The following ANO1 variants were observed in gnomAD, a reference collection of about 807,000 sequenced individuals.
ANO1 encodes the protein anoctamin-1.
In ANO1, 59 loss-of-function variants were observed where a neutral mutation model predicts 124.0. The ratio of observed to expected loss-of-function variants is 0.48; its 90% CI spans 0.39 to 0.59. The LOEUF (loss-of-function observed/expected upper bound fraction) is 0.59, where lower values mean the gene tolerates loss of function less well. ANO1 is among the 20% of genes least tolerant of loss of function. ANO1 has a pLI of 0.00. For synonymous variants in ANO1, 529 were observed against 532.0 expected (o/e 0.99, Z 0.08); for missense variants, 1,059 against 1,328.0 (o/e 0.80, Z 3.15).
intron 3 of ANO1, 33 bp downstream of exon 3, chr11:70,103,197 C>T (rs1192550951): frequency 3.3e-5 from 52 of 1,564,466 alleles, no homozygotes; most frequent in Middle Eastern, 1.7e-4. Context: ...CGAAATGAAT[C>T]GCCAAGTCTA....
chr11:70,107,910 CT>C (rs2045622821), intron 5 of ANO1, among the ~76,000 whole-genome samples: 1 of 152,252 alleles, frequency 6.6e-6, no homozygotes, highest in Admixed American at 6.5e-5. Flanking sequence ...ACCACCACCC[CT>C]GATCCCCCAG....
intron 2 of ANO1, among the ~76,000 whole-genome samples, chr11:70,101,601 A>AC (rs1357546039): frequency 6.7e-6 from 1 of 150,218 alleles, no homozygotes; most frequent in Non-Finnish European, 1.5e-5. Context: ...AAAAAAAAAA[A>AC]AAAAAACTCA....
intron 15 of ANO1, among the ~76,000 whole-genome samples, chr11:70,156,640 G>T (rs972431020): frequency 1.3e-5 from 2 of 152,142 alleles, no homozygotes; most frequent in African/African-American, 4.8e-5. Context: ...TCTCCCAGAC[G>T]TGGGTCCAAC....
intron 3 of ANO1, 37 bp from the exon 4 acceptor site, chr11:70,103,962 G>A: frequency 6.3e-7 from 1 of 1,599,942 alleles, no homozygotes; most frequent in Non-Finnish European, 8.5e-7. Flanking sequence ...GGTCCAGCAG[G>A]GTGACGCAGC....
At chr11:70,111,362 G>T (rs559527166) in intron 6 of ANO1, among the ~76,000 whole-genome samples, 50 of 152,306 alleles carry the variant, frequency 3.3e-4, no homozygotes, top group African/African-American at 7.7e-4. Context: ...TCGGACAGGT[G>T]GGGGGAGCCG....
At chr11:70,156,799 T>C in intron 15 of ANO1, 148 bp from the exon 16 acceptor site, 1 of 665,074 alleles carries the variant, frequency 1.5e-6, no homozygotes, top group East Asian at 2.8e-5. Flanking sequence ...GCTCATCACC[T>C]GTGGGCATTT....
chr11:69,966,538 C>A, the ANO1 span, among the ~76,000 whole-genome samples: 1 of 152,202 alleles, frequency 6.6e-6, no homozygotes, highest in Non-Finnish European at 1.5e-5. Context: ...GCATTCGGAC[C>A]TGCCACTGGG....
At chr11:70,187,147 C>A (rs1307916828) in intron 25 of ANO1, among the ~76,000 whole-genome samples, 2 of 152,220 alleles carry the variant, frequency 1.3e-5, no homozygotes, top group African/African-American at 4.8e-5. Flanking sequence ...CTGGGAGCAC[C>A]AACCAGGAGA....
At chr11:70,014,539 T>C (rs781841595) in intron 1 of ANO1, among the ~76,000 whole-genome samples, 18 of 152,122 alleles carry the variant, frequency 1.2e-4, no homozygotes, top group African/African-American at 1.7e-4. Flanking sequence ...ACACGTGGCC[T>C]GCCCAGGCTG....
chr11:70,106,498 C>G (rs1163555520), intron 5 of ANO1, among the ~76,000 whole-genome samples: 1 of 152,196 alleles, frequency 6.6e-6, no homozygotes, highest in Non-Finnish European at 1.5e-5. Flanking sequence ...AACTACTCCT[C>G]ATGACCACCA....
intron 1 of ANO1, among the ~76,000 whole-genome samples, chr11:70,071,701 G>A (rs1555009313): frequency 6.6e-6 from 1 of 151,956 alleles, no homozygotes; most frequent in Non-Finnish European, 1.5e-5. Context: ...ATAGCTCGCT[G>A]CAGCCTCAAA....
chr11:70,182,576 C>G lies in ANO1; in HGVS notation c.2478C>G (p.Thr826=). The change falls in exon 24 of 26, where the codon ACC becomes ACG. Residue 826 remains threonine, a synonymous_variant. Coordinates refer to ENST00000355303, the MANE Select transcript of ANO1 (RefSeq NM_018043.7). ...VYLYMYSKNG[T]MHGFVNHTLS... is the part of the protein sequence containing the mutation. ...TCTACATGTACAGTAAGAACGGGAC[C>G]ATGCACGGCTTCGTCAACCACACCC... is the stretch of plus-strand genomic sequence containing the variant. 1 of 1,613,664 alleles carries G rather than the reference C, an allele frequency of 6.2e-7. No homozygotes were observed.
At chr11:70,062,267 G>T (rs1473052814) in intron 1 of ANO1, among the ~76,000 whole-genome samples, 3 of 151,824 alleles carry the variant, frequency 2.0e-5, no homozygotes, top group African/African-American at 4.8e-5. Context: ...GTAGAGATGG[G>T]GGTTTCGCTA....
chr11:69,987,964 G>A (rs954229585), intron 1 of ANO1, among the ~76,000 whole-genome samples: 2 of 152,180 alleles, frequency 1.3e-5, no homozygotes, highest in African/African-American at 2.4e-5. Context: ...CACCTCGGCT[G>A]TGTGTGGGGT....
At chr11:69,997,226 T>C (rs1052085328) in intron 1 of ANO1, among the ~76,000 whole-genome samples, 34 of 152,206 alleles carry the variant, frequency 2.2e-4, no homozygotes, top group African/African-American at 8.2e-4. Context: ...TGGTTTACAT[T>C]TTACACTTCA....
At chr11:70,178,888 A>T (rs75811616) in intron 22 of ANO1, among the ~76,000 whole-genome samples, 1 of 152,230 alleles carries the variant, frequency 6.6e-6, no homozygotes, top group African/African-American at 2.4e-5. Flanking sequence ...CTGATTGATG[A>T]TGATTGTGAC....
At chr11:70,058,793 C>T (rs1338988074) in intron 1 of ANO1, among the ~76,000 whole-genome samples, 1 of 152,162 alleles carries the variant, frequency 6.6e-6, no homozygotes, top group Non-Finnish European at 1.5e-5. Flanking sequence ...TTAGTCCATT[C>T]TACCTTTCCT....
chr11:70,113,003 G>A (rs781064744), intron 7 of ANO1, among the ~76,000 whole-genome samples: 2 of 152,110 alleles, frequency 1.3e-5, no homozygotes, highest in Non-Finnish European at 2.9e-5. Flanking sequence ...TCACCTCGTC[G>A]CCTCCCTGTC....
rs144673594 is a variant in ANO1 at position 70,171,669 on chromosome 11, C to T, written c.2350+630C>T. On this transcript the variant is annotated intron_variant, in intron 22 of 25. Coordinates refer to ENST00000355303, the MANE Select transcript of ANO1 (RefSeq NM_018043.7). ...TGGGAGAATGTATATTTAAGGTCAG[C>T]GTAAAGAATAACTTGGGCTGAGCAC... Among the ~76,000 whole-genome samples the T allele has an allele frequency of 2.2e-4, 33 of 152,222 alleles. No individual in the cohort carries two copies. The East Asian group carries it at 5.0e-3, about 23-fold the overall frequency.
Sources: allele counts gnomAD v4.1 joint callset (sites outside exome capture counted in the v4.1 genomes callset), GRCh38; gene constraint gnomAD v4.1.1; transcripts MANE v1.5; gene names NCBI Gene and HGNC (gene_info 2026-07-23, HGNC 2026-07-21).